GPR39: variants seen among roughly 807,000 people sequenced by gnomAD.
The protein encoded by GPR39 is G protein-coupled receptor 39, also known as zinc sensing receptor.
A neutral mutation model predicts 18.4 loss-of-function variants in GPR39; 23 were observed. The observed-to-expected ratio is 1.25, with a 90% confidence interval of 0.90 to 1.77. The LOEUF (loss-of-function observed/expected upper bound fraction) is 1.77, where lower values mean the gene tolerates loss of function less well. Ranked by LOEUF, GPR39 falls within the 40% of genes most tolerant of loss-of-function variation. The pLI, the probability that GPR39 is intolerant of heterozygous loss-of-function variation, is 0.00. For missense variants in GPR39, 647 were observed against 602.4 expected, an observed-to-expected ratio of 1.07 and a Z score of -0.78; for synonymous variants, 280 against 257.9, an observed-to-expected ratio of 1.09 and a Z score of -0.82.
intron 1 of GPR39, among the ~76,000 whole-genome samples, chr2:132,557,951 A>G (rs1680185096): frequency 7.1e-6 from 1 of 140,200 alleles, no homozygotes; most frequent in Non-Finnish European, 1.6e-5. Context: ...GCTGCAGAGT[A>G]TTCAGGGTAA....
chr2:132,515,320 T>C (rs1224761801), intron 1 of GPR39, among the ~76,000 whole-genome samples: 1 of 152,214 alleles, frequency 6.6e-6, no homozygotes, highest in Non-Finnish European at 1.5e-5. Flanking sequence ...TGACTGACCA[T>C]TTATCCAACC....
Position 132,480,248 on chromosome 2 carries a change from G to A in GPR39, c.856+62350G>A, listed in dbSNP as rs563354182. ...CAGAAAGTAGGATGGTGGTTGCCAG[G>A]GACTAGGAGGAGGAGGAAATGGCAA... On this transcript the variant is annotated intron_variant, in intron 1 of 1. Coordinates refer to ENST00000329321, the MANE Select transcript of GPR39 (RefSeq NM_001508.3). Among the ~76,000 whole-genome samples, 511 of 152,226 alleles carry A rather than the reference G, an allele frequency of 3.4e-3. 2 individuals are homozygous for A. The highest frequency in any genetic ancestry group is 6.8e-3 in the Middle Eastern group (2 of 294).
intron 1 of GPR39, among the ~76,000 whole-genome samples, chr2:132,446,026 T>C (rs995456248): frequency 1.3e-5 from 2 of 152,170 alleles, no homozygotes; most frequent in East Asian, 3.9e-4. Context: ...GGGGGTGAAG[T>C]GCAGAGATGT....
At chr2:132,612,364 A>T (rs2104851250) in intron 1 of GPR39, among the ~76,000 whole-genome samples, 1 of 150,384 alleles carries the variant, frequency 6.6e-6, no homozygotes, top group Non-Finnish European at 1.5e-5. Flanking sequence ...TGCATTTTAC[A>T]TTTTTTGACA....
chr2:132,589,224 C>A (rs1006274114), intron 1 of GPR39, among the ~76,000 whole-genome samples: 6 of 152,140 alleles, frequency 3.9e-5, no homozygotes, highest in African/African-American at 1.4e-4. Context: ...CCCCCCTCCC[C>A]ATTGCCCCTC....
chr2:132,620,243 C>T (rs1200623686), intron 1 of GPR39, among the ~76,000 whole-genome samples: 2 of 152,150 alleles, frequency 1.3e-5, no homozygotes, highest in Non-Finnish European at 2.9e-5. Context: ...AGGCAGGAGG[C>T]TGCAGCTCCA....
chr2:132,625,643 C>T (rs1681529469), intron 1 of GPR39, among the ~76,000 whole-genome samples: 1 of 152,166 alleles, frequency 6.6e-6, no homozygotes, highest in Admixed American at 6.5e-5. Flanking sequence ...CCTTCTCTTC[C>T]TACATCTTTT....
chr2:132,416,916 A>G lies in GPR39; in HGVS notation c.-127A>G. On this transcript the variant is annotated 5_prime_UTR_variant, in exon 1 of 2. Coordinates refer to ENST00000329321, the MANE Select transcript of GPR39 (RefSeq NM_001508.3). Reference sequence around the variant, plus strand: ...GAAATACTAAGTTACCTTCGCGAGGAGAACTCGAGTGAGATAAAATCGTGC... The same window carrying G: ...GAAATACTAAGTTACCTTCGCGAGGGGAACTCGAGTGAGATAAAATCGTGC... 5 of 1,204,490 alleles carry G rather than the reference A, an allele frequency of 4.2e-6. No individual in the cohort carries two copies. The highest frequency in any genetic ancestry group is 2.3e-6 in the Non-Finnish European group (2 of 860,406). 74.6% of individuals were successfully genotyped at this position (1,204,490 alleles called of 1,614,324 possible).
rs114563920 is a variant in GPR39, at chr2:132,441,990, T to C, written c.856+24092T>C. On this transcript the variant is annotated intron_variant, in intron 1 of 1. Coordinates refer to ENST00000329321, the MANE Select transcript of GPR39 (RefSeq NM_001508.3). ...TTCTCCTTGAAAATGCAGTTTTTTT[T>C]CTTCATTCTTTGCTTTGGGACTTCA... Among the ~76,000 whole-genome samples the C allele has an allele frequency of 2.1e-3, 315 of 152,278 alleles. 1 individual carries two copies. Among genetic ancestry groups the C allele is most frequent in the African/African-American group, 6.5e-3 (272 of 41,560 alleles).
chr2:132,485,791 G>T (rs182875128), intron 1 of GPR39, among the ~76,000 whole-genome samples: 2 of 152,254 alleles, frequency 1.3e-5, no homozygotes, highest in Admixed American at 1.3e-4. Context: ...AACCCTCAAA[G>T]TCATCCGTGA....
intron 1 of GPR39, among the ~76,000 whole-genome samples, chr2:132,563,769 T>C (rs72983656): frequency 0.011 from 1,655 of 152,280 alleles, 24 homozygotes; most frequent in African/African-American, 0.038. Context: ...TTTTGCTGTT[T>C]TTTGGCACTG....
chr2:132,619,671 C>T (rs1207776528), intron 1 of GPR39, among the ~76,000 whole-genome samples: 1 of 152,154 alleles, frequency 6.6e-6, no homozygotes, highest in Non-Finnish European at 1.5e-5. Context: ...GGAAAGGTGG[C>T]TGTCCAATTG....
At chr2:132,527,761 T>C (rs957687321) in intron 1 of GPR39, among the ~76,000 whole-genome samples, 2 of 152,242 alleles carry the variant, frequency 1.3e-5, no homozygotes, top group African/African-American at 2.4e-5. Context: ...TCTGTTCATA[T>C]CCTACTCCCA....
At chr2:132,561,541 G>A (rs1680253207) in intron 1 of GPR39, among the ~76,000 whole-genome samples, 3 of 149,188 alleles carry the variant, frequency 2.0e-5, no homozygotes, top group East Asian at 2.0e-4. Context: ...AATGTGATAG[G>A]GTTCTCCAGA....
intron 1 of GPR39, among the ~76,000 whole-genome samples, chr2:132,543,358 T>C (rs905146274): frequency 3.3e-5 from 5 of 152,180 alleles, no homozygotes; most frequent in Non-Finnish European, 7.3e-5. Context: ...AATGGAATTT[T>C]CCACTGTGGG....
chr2:132,645,524 G>A lies in GPR39; in HGVS notation c.1280G>A (p.Ser427Asn). The A allele has an allele frequency of 1.2e-6, 2 of 1,614,180 alleles. No individual in the cohort carries two copies. Among genetic ancestry groups the A allele is most frequent in the Non-Finnish European group, 1.7e-6 (2 of 1,180,028 alleles). Reference protein sequence around the residue: ...AEPQSKSQSLSLESLEPNSGA... With the variant: ...AEPQSKSQSLNLESLEPNSGA... ...CCCCAGTCTAAGTCCCAGTCATTGAGTCTCGAGTCACTAGAGCCCAACTCA... is the reference window on the plus strand; with the variant it reads ...CCCCAGTCTAAGTCCCAGTCATTGAATCTCGAGTCACTAGAGCCCAACTCA... Residue 427 changes from serine to asparagine, a missense_variant, in exon 2 of 2, where the codon AGT (serine) becomes AAT (asparagine). Physicochemically the swap from Ser to Asn is conservative, Grantham distance 46. Transcript: ENST00000329321.
At position 132,416,963 on chromosome 2, in the gene GPR39, G is replaced by T; in HGVS notation, c.-80G>T. ...GTGCGCCCACGCAGGTGAGTTTGCAGCCAAGAATTTTGGACGCTGCTGGGA... is the reference window on the plus strand; with the variant it reads ...GTGCGCCCACGCAGGTGAGTTTGCATCCAAGAATTTTGGACGCTGCTGGGA... On this transcript the variant is annotated 5_prime_UTR_variant, in exon 1 of 2. Transcript: ENST00000329321. The T allele has an allele frequency of 6.5e-7, 1 of 1,533,462 alleles. No individual in the cohort carries two copies. Among genetic ancestry groups the T allele is most frequent in the Non-Finnish European group, 8.8e-7 (1 of 1,135,936 alleles). The allele number at this position is 1,533,462 out of a possible 1,614,324, so 95.0% of individuals were successfully genotyped here.
intron 1 of GPR39, among the ~76,000 whole-genome samples, chr2:132,629,066 T>TA (rs1457913842): frequency 6.6e-6 from 1 of 152,166 alleles, no homozygotes; most frequent in Non-Finnish European, 1.5e-5. Flanking sequence ...CTTGAGCTGG[T>TA]AGCAGTTTCC....
chr2:132,487,511 G>A (rs1681365036), intron 1 of GPR39, among the ~76,000 whole-genome samples: 1 of 152,054 alleles, frequency 6.6e-6, no homozygotes, highest in Non-Finnish European at 1.5e-5. Context: ...TTATAACTAG[G>A]TTTAATATGC....
Sources: allele counts gnomAD v4.1 joint callset (sites outside exome capture counted in the v4.1 genomes callset), GRCh38; gene constraint gnomAD v4.1.1; transcripts MANE v1.5; gene names NCBI Gene and HGNC (gene_info 2026-07-23, HGNC 2026-07-21).